Variants in CNTN1 observed in about 807,000 individuals in gnomAD.
CNTN1 encodes the protein contactin-1.
In CNTN1, 38 loss-of-function variants were observed where a neutral mutation model predicts 126.4. That is an observed-to-expected ratio of 0.30 (90% CI 0.23 to 0.39). CNTN1 has a LOEUF of 0.39. Ranked by LOEUF, CNTN1 falls within the 10% of genes least tolerant of loss-of-function variation. CNTN1 has a pLI of 1.00. For missense variants in CNTN1, 1,009 were observed against 1,248.4 expected, an observed-to-expected ratio of 0.81 and a Z score of 2.89; for synonymous variants, 413 against 422.6, an observed-to-expected ratio of 0.98 and a Z score of 0.28.
At chr12:41,046,299 A>G (rs771827459) in intron 23 of CNTN1, among the ~76,000 whole-genome samples, 35 of 152,172 alleles carry the variant, frequency 2.3e-4, no homozygotes, top group Non-Finnish European at 4.3e-4. Context: ...TTACATTATA[A>G]TTTTCATGAA....
chr12:40,949,725 C>A (rs1946595225), intron 14 of CNTN1, among the ~76,000 whole-genome samples: 1 of 151,360 alleles, frequency 6.6e-6, no homozygotes, highest in Non-Finnish European at 1.5e-5. Context: ...CAGGTGCCTG[C>A]CACCACACCT....
chr12:40,720,950 A>AAT (rs146338360), intron 1 of CNTN1, among the ~76,000 whole-genome samples: 314 of 150,492 alleles, frequency 2.1e-3, no homozygotes, highest in African/African-American at 5.8e-3. Flanking sequence ...AAAAAAGAGA[A>AAT]ATATATATAT....
intron 23 of CNTN1, among the ~76,000 whole-genome samples, chr12:41,031,996 C>G (rs1218679118): frequency 1.3e-5 from 2 of 152,116 alleles, no homozygotes; most frequent in African/African-American, 4.8e-5. Context: ...TTATAACACA[C>G]TACTAGATCT....
intron 4 of CNTN1, among the ~76,000 whole-genome samples, chr12:40,921,295 G>A (rs1293037636): frequency 2.0e-5 from 3 of 152,114 alleles, no homozygotes; most frequent in African/African-American, 7.2e-5. Flanking sequence ...TGAGCGATGT[G>A]GCCACGAGCC....
chr12:40,877,374 G>C (rs1322405975), intron 1 of CNTN1, among the ~76,000 whole-genome samples: 2 of 152,190 alleles, frequency 1.3e-5, no homozygotes, highest in African/African-American at 4.8e-5. Flanking sequence ...GTTCAGATGA[G>C]ATTATTTCCT....
intron 14 of CNTN1, among the ~76,000 whole-genome samples, chr12:40,950,288 G>A (rs1361456020): frequency 6.6e-6 from 1 of 152,026 alleles, no homozygotes. Flanking sequence ...AGCAATACTG[G>A]GACTAGCCAC....
chr12:40,715,397 C>T (rs766347856), intron 1 of CNTN1, among the ~76,000 whole-genome samples: 25 of 152,050 alleles, frequency 1.6e-4, no homozygotes, highest in African/African-American at 4.3e-4. Flanking sequence ...AAAACAGATT[C>T]GTTTATGCAT....
At chr12:40,949,314 A>T (rs1347426742) in intron 14 of CNTN1, among the ~76,000 whole-genome samples, 2 of 150,984 alleles carry the variant, frequency 1.3e-5, no homozygotes, top group African/African-American at 4.9e-5. Context: ...TTTAGGGTAC[A>T]TGTGCACATT....
intron 14 of CNTN1, among the ~76,000 whole-genome samples, chr12:40,948,241 C>A (rs1472875869): frequency 1.5e-5 from 2 of 135,996 alleles, no homozygotes; most frequent in Non-Finnish European, 3.1e-5. Flanking sequence ...CTTTTGCTAG[C>A]TAGTTTTTCT....
chr12:40,709,646 T>C (rs539097842), intron 1 of CNTN1, among the ~76,000 whole-genome samples: 1 of 152,366 alleles, frequency 6.6e-6, no homozygotes, highest in Non-Finnish European at 1.5e-5. Context: ...TGAGCTTAGC[T>C]AGATCTTCTG....
chr12:40,760,519 C>T (rs1020560129), intron 1 of CNTN1, among the ~76,000 whole-genome samples: 1 of 151,804 alleles, frequency 6.6e-6, no homozygotes, highest in Non-Finnish European at 1.5e-5. Context: ...GCTCACTAGG[C>T]GTGTGCAAAT....
intron 1 of CNTN1, among the ~76,000 whole-genome samples, chr12:40,767,069 G>A (rs767067945): frequency 6.6e-6 from 1 of 152,032 alleles, no homozygotes; most frequent in Non-Finnish European, 1.5e-5. Flanking sequence ...TAATAATAAT[G>A]AACATTATAG....
intron 1 of CNTN1, among the ~76,000 whole-genome samples, chr12:40,715,880 C>G (rs187062087): frequency 2.9e-4 from 44 of 152,198 alleles, no homozygotes; most frequent in African/African-American, 1.0e-3. Context: ...CAATACTGAT[C>G]TGATGCCTGG....
At chr12:40,858,096 A>G (rs1462025187) in intron 1 of CNTN1, among the ~76,000 whole-genome samples, 1 of 152,102 alleles carries the variant, frequency 6.6e-6, no homozygotes, top group Admixed American at 6.6e-5. Flanking sequence ...TTCAGTTGTT[A>G]GCAGAATTCA....
At chr12:40,835,676 TTGTC>T (rs1250106090) in intron 1 of CNTN1, among the ~76,000 whole-genome samples, 1 of 152,008 alleles carries the variant, frequency 6.6e-6, no homozygotes, top group Non-Finnish European at 1.5e-5. Context: ...ATCTCAAGGG[TTGTC>T]TGAGTTATAT....
intron 1 of CNTN1, among the ~76,000 whole-genome samples, chr12:40,851,430 C>T (rs540396421): frequency 1.5e-4 from 23 of 152,226 alleles, no homozygotes; most frequent in Middle Eastern, 3.4e-3. Flanking sequence ...GTAGGTAATC[C>T]GCATGAAATA....
intron 14 of CNTN1, among the ~76,000 whole-genome samples, chr12:40,957,839 T>A (rs2137002364): frequency 6.6e-6 from 1 of 152,112 alleles, no homozygotes; most frequent in Middle Eastern, 3.4e-3. Flanking sequence ...CAACTAACTA[T>A]ACCAATATGC....
At chr12:40,737,452 G>A (rs1170797764) in intron 1 of CNTN1, among the ~76,000 whole-genome samples, 1 of 150,406 alleles carries the variant, frequency 6.6e-6, no homozygotes, top group Non-Finnish European at 1.5e-5. Context: ...TGAGGAGCAA[G>A]GAGAGCCAGT....
At chr12:40,964,008 T>C (rs891995108) in intron 15 of CNTN1, among the ~76,000 whole-genome samples, 12 of 152,060 alleles carry the variant, frequency 7.9e-5, no homozygotes, top group Non-Finnish European at 1.5e-5. Flanking sequence ...ACCATAAAAT[T>C]AGGCCCCAAA....
Sources: allele counts gnomAD v4.1 joint callset (sites outside exome capture counted in the v4.1 genomes callset), GRCh38; gene constraint gnomAD v4.1.1; transcripts MANE v1.5; gene names NCBI Gene and HGNC (gene_info 2026-07-23, HGNC 2026-07-21).